The following HDAC9 variants were observed in gnomAD, a reference collection of about 807,000 sequenced individuals.
The protein encoded by HDAC9 is MEF-2 interacting transcription repressor (MITR) protein.
In HDAC9, 41 loss-of-function variants were observed where a neutral mutation model predicts 139.4. The observed-to-expected ratio is 0.29, with a 90% CI of 0.23 to 0.38. The LOEUF (loss-of-function observed/expected upper bound fraction) is 0.38, where lower values mean the gene tolerates loss of function less well. Among genes scored for constraint, HDAC9 ranks in the 10% least tolerant of loss-of-function variants. The probability of loss-of-function intolerance (pLI) is 1.00; values close to 1 mark genes in which losing one functional copy is unlikely to be tolerated. For missense variants in HDAC9, 1,147 were observed against 1,297.0 expected, an observed-to-expected ratio of 0.88 and a Z score of 1.78; for synonymous variants, 517 against 476.2, an observed-to-expected ratio of 1.09 and a Z score of -1.12.
At chr7:18,196,061 A>G (rs2128155463) in intron 2 of HDAC9, among the ~76,000 whole-genome samples, 1 of 152,238 alleles carries the variant, frequency 6.6e-6, no homozygotes, top group East Asian at 1.9e-4. Flanking sequence ...ACATTCCTCC[A>G]TAATTATTTG....
intron 22 of HDAC9, among the ~76,000 whole-genome samples, chr7:18,902,939 A>C (rs1801867791): frequency 6.6e-6 from 1 of 152,232 alleles, no homozygotes; most frequent in African/African-American, 2.4e-5. Flanking sequence ...GTATTTATTT[A>C]CATATGGCAT....
At chr7:18,853,377 C>G (rs564374528) in intron 21 of HDAC9, among the ~76,000 whole-genome samples, 1 of 152,088 alleles carries the variant, frequency 6.6e-6, no homozygotes, top group South Asian at 2.1e-4. Context: ...TTGGGGGTTT[C>G]TTACCAATTC....
chr7:18,889,847 G>T (rs1465542467), intron 22 of HDAC9, among the ~76,000 whole-genome samples: 1 of 152,156 alleles, frequency 6.6e-6, no homozygotes. Flanking sequence ...ACCGGCCTGT[G>T]ATACCATGCC....
chr7:18,578,283 T>G (rs989274832), intron 2 of HDAC9: 5 of 515,862 alleles, frequency 9.7e-6, no homozygotes, highest in Non-Finnish European at 1.9e-5. Flanking sequence ...TCGAAGGTGT[T>G]TTGGCCTGCT....
intron 1 of HDAC9, among the ~76,000 whole-genome samples, chr7:18,379,256 G>A (rs1013425135): frequency 2.0e-5 from 3 of 152,106 alleles, no homozygotes; most frequent in South Asian, 4.1e-4. Context: ...GATTAAAATC[G>A]TAACCACATT....
intron 2 of HDAC9, among the ~76,000 whole-genome samples, chr7:18,524,427 G>A (rs769028852): frequency 1.8e-4 from 27 of 152,186 alleles, no homozygotes; most frequent in African/African-American, 5.5e-4. Context: ...GATGAGGCCT[G>A]CAGTCAGCTG....
chr7:18,655,440 G>A (rs942416778), intron 11 of HDAC9, among the ~76,000 whole-genome samples: 2 of 151,936 alleles, frequency 1.3e-5, no homozygotes, highest in Admixed American at 6.6e-5. Context: ...GAGATAATTG[G>A]CCCAATATAA....
At chr7:18,656,607 T>A (rs1407142937) in intron 11 of HDAC9, among the ~76,000 whole-genome samples, 1 of 152,100 alleles carries the variant, frequency 6.6e-6, no homozygotes, top group Non-Finnish European at 1.5e-5. Flanking sequence ...AAACAGCAAA[T>A]TTTTGAGGTT....
At chr7:18,903,252 A>T (rs548840056) in intron 22 of HDAC9, among the ~76,000 whole-genome samples, 66 of 152,338 alleles carry the variant, frequency 4.3e-4, no homozygotes, top group South Asian at 1.2e-3. Context: ...ACATGACTTT[A>T]GGCAAGTTGT....
At chr7:18,735,093 T>C (rs1786761226) in intron 13 of HDAC9, among the ~76,000 whole-genome samples, 1 of 152,242 alleles carries the variant, frequency 6.6e-6, no homozygotes, top group South Asian at 2.1e-4. Flanking sequence ...TGTTTGATTT[T>C]TTCTTGTAAA....
intron 1 of HDAC9, among the ~76,000 whole-genome samples, chr7:18,336,568 T>G (rs1409965618): frequency 6.6e-6 from 1 of 151,670 alleles, no homozygotes; most frequent in African/African-American, 2.4e-5. Context: ...GAAATTTGGC[T>G]GCAATCCTAG....
intron 2 of HDAC9, among the ~76,000 whole-genome samples, chr7:18,544,749 T>A (rs1814209211): frequency 6.6e-6 from 1 of 152,188 alleles, no homozygotes; most frequent in South Asian, 2.1e-4. Context: ...GGGGAGCTGA[T>A]CATCTAGGTC....
At chr7:18,438,975 A>G (rs2557305) in intron 1 of HDAC9, among the ~76,000 whole-genome samples, 1 of 152,068 alleles carries the variant, frequency 6.6e-6, no homozygotes, top group Non-Finnish European at 1.5e-5. Flanking sequence ...TGCATAGTAC[A>G]AAACAATGTG....
chr7:18,357,540 A>G (rs1783416144), intron 1 of HDAC9, among the ~76,000 whole-genome samples: 1 of 151,760 alleles, frequency 6.6e-6, no homozygotes. Context: ...TAGGAGACAG[A>G]CAAAACAGTA....
intron 8 of HDAC9, among the ~76,000 whole-genome samples, chr7:18,637,996 A>G (rs932771195): frequency 2.6e-5 from 4 of 152,106 alleles, no homozygotes; most frequent in Non-Finnish European, 5.9e-5. Context: ...ATGTCTCCTA[A>G]GATTGATAGT....
At chr7:18,905,095 TG>T (rs1207875422) in intron 22 of HDAC9, among the ~76,000 whole-genome samples, 1 of 151,150 alleles carries the variant, frequency 6.6e-6, no homozygotes, top group African/African-American at 2.4e-5. Flanking sequence ...CTGACCATGT[TG>T]GCCAGGTTGG....
intron 12 of HDAC9, among the ~76,000 whole-genome samples, chr7:18,724,172 G>C (rs1165200220): frequency 6.6e-6 from 1 of 151,950 alleles, no homozygotes; most frequent in Non-Finnish European, 1.5e-5. Context: ...TCTTCAACAG[G>C]TTTTTCTTAA....
chr7:18,784,970 TGTGTC>T (rs369631795), intron 16 of HDAC9, among the ~76,000 whole-genome samples: 83,910 of 134,444 alleles, frequency 0.62, 23,434 homozygotes, highest in Non-Finnish European at 0.69. Context: ...TGTGTGTGTG[TGTGTC>T]TGTGTGTGCA....
chr7:18,897,874 C>T (rs149657526), intron 22 of HDAC9, among the ~76,000 whole-genome samples: 3 of 150,712 alleles, frequency 2.0e-5, no homozygotes, highest in Non-Finnish European at 4.4e-5. Flanking sequence ...ACCAGGGAAC[C>T]ATGCATGGAT....
Sources: gnomAD v4.1 joint callset for allele counts (sites outside exome capture counted in the v4.1 genomes callset) on GRCh38, gnomAD v4.1.1 for gene constraint, MANE v1.5 for transcripts, NCBI Gene and HGNC (gene_info 2026-07-23, HGNC 2026-07-21) for gene names.